ERCC8: variants seen among roughly 807,000 people sequenced by gnomAD.
ERCC8 encodes the protein DNA excision repair protein ERCC-8.
A neutral mutation model predicts 54.9 loss-of-function variants in ERCC8; 52 were observed. That is an observed-to-expected ratio of 0.95 (90% CI 0.76 to 1.19). ERCC8 has a LOEUF of 1.19. Ranked by LOEUF, ERCC8 falls within the 50% of genes most tolerant of loss-of-function variation. ERCC8 has a pLI of 0.00. For missense variants in ERCC8, 514 were observed against 466.1 expected, an observed-to-expected ratio of 1.10 and a Z score of -0.95; for synonymous variants, 146 against 157.2, an observed-to-expected ratio of 0.93 and a Z score of 0.53.
At chr5:60,944,705 A>ACCCC (rs34115919) in intron 1 of ERCC8, among the ~76,000 whole-genome samples, 1 of 96,068 alleles carries the variant, frequency 1.0e-5, no homozygotes, top group African/African-American at 4.2e-5. Context: ...CCGCGGGGGA[A>ACCCC]CCCCCCCCCC....
In ERCC8 at chr5:60,877,903, A is replaced by G. The variant is rs1748065504; in HGVS notation, c.1123-3220T>C. Among the ~76,000 whole-genome samples the G allele has an allele frequency of 2.0e-5, 3 of 152,138 alleles. No homozygotes were observed. In the South Asian group the frequency reaches 6.2e-4, roughly 32 times the overall value. On this transcript the variant is annotated intron_variant, in intron 11 of 11. Transcript: ENST00000676185. ...GATTGCCCTGGACAGAACTTCCAAC[A>G]CTATGTTGAATAGGAGTGGTGAGAG...
At chr5:60,906,726 C>T (rs984288949) in intron 4 of ERCC8, among the ~76,000 whole-genome samples, 2 of 133,244 alleles carry the variant, frequency 1.5e-5, no homozygotes, top group Non-Finnish European at 3.2e-5. Context: ...AAAACTCTGT[C>T]TCAAAAATAA....
chr5:60,887,523 A>G lies in ERCC8; in HGVS notation c.1042-3T>C, dbSNP rs750280997. 1.8e-5 allele frequency: 29 copies of G among 1,611,604 alleles called. No homozygotes were observed. The highest frequency in any genetic ancestry group is 1.8e-4 in the East Asian group (8 of 44,838). ...TCTCTGCTACCACTATAAAGTTCCT[A>G]TAACATAGAAGGCAAAGATGATACT... On this transcript the variant is annotated splice_polypyrimidine_tract_variant and splice_region_variant and intron_variant, in intron 10 of 11. Transcript: ENST00000676185.
At chr5:60,895,981 C>A (rs1748712344) in intron 9 of ERCC8, among the ~76,000 whole-genome samples, 1 of 151,930 alleles carries the variant, frequency 6.6e-6, no homozygotes, top group African/African-American at 2.4e-5. Context: ...ATTAATATTT[C>A]TTTTCTTTTC....
chr5:60,892,946 C>T (rs1245557908), intron 9 of ERCC8: 6 of 757,462 alleles, frequency 7.9e-6, no homozygotes, highest in Middle Eastern at 2.4e-4. Flanking sequence ...AGCAATAGTT[C>T]CCCAGAACCC....
chr5:60,882,517 C>G (rs1748266966), intron 11 of ERCC8, among the ~76,000 whole-genome samples: 1 of 152,094 alleles, frequency 6.6e-6, no homozygotes, highest in Non-Finnish European at 1.5e-5. Context: ...GCCTCAGCTT[C>G]CTAAGTAGCT....
chr5:60,874,710 G>T lies in ERCC8; in HGVS notation c.1123-27C>A, dbSNP rs763099457. 8.3e-6 allele frequency: 13 copies of T among 1,571,016 alleles called. No homozygotes were observed. In the South Asian group the frequency reaches 1.2e-4, roughly 14 times the overall value. Reference sequence around the variant, plus strand: ...TAAAAAAAAAAAAGATAAAGAAAAAGGAAGATTCTGTTTTTTCTACTTCAT... The same window carrying T: ...TAAAAAAAAAAAAGATAAAGAAAAATGAAGATTCTGTTTTTTCTACTTCAT... On this transcript the variant is annotated intron_variant, in intron 11 of 11. Coordinates refer to ENST00000676185, the MANE Select transcript of ERCC8 (RefSeq NM_000082.4).
At chr5:60,916,793 T>C (rs1749449343) in intron 4 of ERCC8, among the ~76,000 whole-genome samples, 1 of 152,062 alleles carries the variant, frequency 6.6e-6, no homozygotes, top group African/African-American at 2.4e-5. Context: ...CATGATTTTA[T>C]TACTTTTTAG....
At chr5:60,889,721 T>A (rs1440116135) in intron 10 of ERCC8, among the ~76,000 whole-genome samples, 1 of 152,218 alleles carries the variant, frequency 6.6e-6, no homozygotes, top group Non-Finnish European at 1.5e-5. Context: ...TAAGTAACTT[T>A]GCAAAGAAAG....
chr5:60,893,472 C>T, intron 9 of ERCC8: 1 of 949,632 alleles, frequency 1.1e-6, no homozygotes. Context: ...AACTGAGGAG[C>T]AGAGGGCACT....
Position 60,866,471 on chromosome 5 carries a change from A to T in ERCC8, c.*8144T>A, listed in dbSNP as rs1481636467. 6.6e-6 allele frequency: 1 copy of T among 152,192 alleles called. No homozygotes were observed. The highest frequency in any genetic ancestry group is 1.5e-5 in the Non-Finnish European group (1 of 68,016). 9.4% of individuals were successfully genotyped at this position (152,192 alleles called of 1,614,324 possible). A position where few individuals can be genotyped will look rare whatever the true frequency, so the allele number is the denominator to read the frequency against. ...TGGCTGAGTGATTCTTATATTTCAG[A>T]ACTTTATTTCATTTATTCTTACAAC... On this transcript the variant is annotated 3_prime_UTR_variant, in exon 12 of 12. Transcript: ENST00000676185.
intron 11 of ERCC8, among the ~76,000 whole-genome samples, chr5:60,883,004 C>T (rs1561495453): frequency 6.8e-6 from 1 of 146,898 alleles, no homozygotes; most frequent in African/African-American, 2.7e-5. Context: ...CACACACACA[C>T]ATGTCTGTAG....
chr5:60,897,124 T>C (rs986436340), intron 9 of ERCC8, among the ~76,000 whole-genome samples: 1 of 152,298 alleles, frequency 6.6e-6, no homozygotes, highest in South Asian at 2.1e-4. Flanking sequence ...TTTGTACCTT[T>C]TTTCTTTCCC....
intron 4 of ERCC8, among the ~76,000 whole-genome samples, chr5:60,912,151 G>A (rs1350000296): frequency 6.6e-6 from 1 of 152,054 alleles, no homozygotes; most frequent in Non-Finnish European, 1.5e-5. Context: ...AGCTTAATGG[G>A]GATGGTATTC....
rs10661271 is a variant in ERCC8, at chr5:60,875,893, C to CTTT, written c.1123-1213_1123-1211dup. On this transcript the variant is annotated intron_variant, in intron 11 of 11. Coordinates refer to ENST00000676185, the MANE Select transcript of ERCC8 (RefSeq NM_000082.4). ...TTATATTTTAATTTATTTATTTTTT[C>CTTT]TTTTTTTTATTATACTGTAAGTTTT... Among the ~76,000 whole-genome samples the CTTT allele has an allele frequency of 1.9e-3, 288 of 151,160 alleles. 2 individuals are homozygous for CTTT. Among genetic ancestry groups the CTTT allele is most frequent in the African/African-American group, 6.3e-3 (260 of 41,186 alleles).
chr5:60,935,568 A>G (rs1019002303), intron 1 of ERCC8, among the ~76,000 whole-genome samples: 2 of 152,214 alleles, frequency 1.3e-5, no homozygotes, highest in African/African-American at 4.8e-5. Context: ...GACTTCCAGC[A>G]CTATGTTGAA....
At position 60,867,359 on chromosome 5, in the gene ERCC8, A is replaced by T. The variant is rs2112444431; in HGVS notation, c.*7256T>A. Among the ~76,000 whole-genome samples the T allele has an allele frequency of 2.0e-5, 3 of 152,184 alleles. No individual in the cohort carries two copies. Among genetic ancestry groups the T allele is most frequent in the Admixed American group, 2.0e-4 (3 of 15,288 alleles). ...AACCTCCGCCTTCAGGGTTCAGGCC[A>T]TTCTCCTGCCTCTGATGCCCAAAGT... On this transcript the variant is annotated 3_prime_UTR_variant, in exon 12 of 12. Transcript: ENST00000676185.
chr5:60,904,632 GTGTATATATATATATA>G (rs1251965090), intron 5 of ERCC8, among the ~76,000 whole-genome samples, 144 bp downstream of exon 5: 6 of 35,886 alleles, frequency 1.7e-4, no homozygotes, highest in African/African-American at 2.0e-4. Flanking sequence ...GTGTGTGTGT[GTGTATATATATATATA>G]TATATATATA....
At chr5:60,886,771 G>T (rs1422842815) in intron 11 of ERCC8, among the ~76,000 whole-genome samples, 4 of 150,686 alleles carry the variant, frequency 2.7e-5, no homozygotes, top group African/African-American at 9.7e-5. Flanking sequence ...AAGAAAAAAA[G>T]TGATATATAA....
Sources: allele counts gnomAD v4.1 joint callset (sites outside exome capture counted in the v4.1 genomes callset), GRCh38; gene constraint gnomAD v4.1.1; transcripts MANE v1.5; gene names NCBI Gene and HGNC (gene_info 2026-07-23, HGNC 2026-07-21).